The following KNTC1 variants were observed in gnomAD, a reference collection of about 807,000 sequenced individuals.
The protein encoded by KNTC1 is kinetochore-associated protein 1.
In KNTC1, 253 loss-of-function variants were observed where a neutral mutation model predicts 314.4. The ratio of observed to expected loss-of-function variants is 0.80; its 90% confidence interval spans 0.73 to 0.89. The LOEUF is 0.89. KNTC1 is among the 40% of genes least tolerant of loss of function. The pLI is 0.00. For synonymous variants in KNTC1, 901 were observed against 901.4 expected, an observed-to-expected ratio of 1.00 and a Z score of 0.01; for missense variants, 2,475 against 2,572.9, an observed-to-expected ratio of 0.96 and a Z score of 0.82.
At chr12:122,574,201 T>C in intron 26 of KNTC1, 81 bp from the exon 27 acceptor site, 2 of 727,838 alleles carry the variant, frequency 2.7e-6, no homozygotes, top group African/African-American at 1.8e-5. Flanking sequence ...GGCCATATAA[T>C]ATCTGTATCT....
chr12:122,571,495 A>C lies in KNTC1; in HGVS notation c.2019+369A>C, dbSNP rs146602621. ...CACCTCAGCCTCCTGAGTAGCTGGG[A>C]CTACAGGTGCGCATCACCAGGCCCG... On this transcript the variant is annotated intron_variant, in intron 24 of 63. Transcript: ENST00000333479. 6.4e-3 allele frequency among the ~76,000 whole-genome samples: 976 copies of C among 151,906 alleles called. 14 individuals are homozygous for C. The highest frequency in any genetic ancestry group is 0.032 in the Admixed American group (489 of 15,228).
intron 20 of KNTC1, among the ~76,000 whole-genome samples, chr12:122,565,220 G>T (rs1593554483): frequency 2.1e-5 from 3 of 144,312 alleles, no homozygotes; most frequent in African/African-American, 2.5e-5. Context: ...TACATCCTTG[G>T]TCCCTCTTTC....
At chr12:122,565,184 G>A (rs1241706346) in intron 20 of KNTC1, among the ~76,000 whole-genome samples, 2 of 150,948 alleles carry the variant, frequency 1.3e-5, no homozygotes, top group African/African-American at 4.9e-5. Context: ...ACTTTCTCAA[G>A]GTGAAAAGCC....
chr12:122,592,723 T>C (rs1870444495), intron 42 of KNTC1: 1 of 152,154 alleles, frequency 6.6e-6, no homozygotes, highest in Non-Finnish European at 1.5e-5. Context: ...CCAATCAGCG[T>C]CCTGTCAAAA....
chr12:122,541,088 T>A (rs1401365947), intron 5 of KNTC1, among the ~76,000 whole-genome samples: 1 of 152,062 alleles, frequency 6.6e-6, no homozygotes, highest in Non-Finnish European at 1.5e-5. Context: ...GGAGGATCTC[T>A]TGGGCCTGCA....
chr12:122,563,990 T>G (rs1964146635), intron 20 of KNTC1, among the ~76,000 whole-genome samples: 1 of 152,214 alleles, frequency 6.6e-6, no homozygotes, highest in Non-Finnish European at 1.5e-5. Context: ...TTTTTATATA[T>G]TTTTTGAAAC....
chr12:122,530,251 G>A, intron 2 of KNTC1, 59 bp downstream of exon 2: 1 of 1,448,482 alleles, frequency 6.9e-7, no homozygotes, highest in Non-Finnish European at 9.5e-7. Context: ...GCTTAGTAGG[G>A]CTAGTGGCCC....
intron 31 of KNTC1, among the ~76,000 whole-genome samples, chr12:122,578,579 C>G (rs1328623939): frequency 6.6e-6 from 1 of 152,118 alleles, no homozygotes; most frequent in East Asian, 1.9e-4. Flanking sequence ...CGCCACCACA[C>G]CTGGCTAATT....
chr12:122,618,594 T>C, intron 59 of KNTC1, 49 bp downstream of exon 59: 2 of 1,370,998 alleles, frequency 1.5e-6, no homozygotes, highest in South Asian at 1.2e-5. Flanking sequence ...TTGTTGCTTA[T>C]AAGATTCCCT....
At chr12:122,603,653 C>T (rs867050544) in intron 48 of KNTC1, among the ~76,000 whole-genome samples, 1 of 152,028 alleles carries the variant, frequency 6.6e-6, no homozygotes, top group Non-Finnish European at 1.5e-5. Flanking sequence ...CCATCATGCC[C>T]GGCTAATTTT....
intron 44 of KNTC1, 78 bp downstream of exon 44, chr12:122,598,016 T>C: frequency 9.5e-7 from 1 of 1,050,822 alleles, no homozygotes. Flanking sequence ...TAGTAACAAA[T>C]TGGATGTATA....
At chr12:122,616,387 T>G (rs777295052) in intron 57 of KNTC1, among the ~76,000 whole-genome samples, 1 of 151,952 alleles carries the variant, frequency 6.6e-6, no homozygotes, top group African/African-American at 2.4e-5. Flanking sequence ...CTCAGCCTCC[T>G]GAGTAGCTGG....
chr12:122,597,902 A>G lies in KNTC1; in HGVS notation c.4527A>G (p.Lys1509=). ...LEMVPLLTST[K]DLVISLSGIL... is the part of the protein sequence containing the mutation. ...TGGTTCCTTTACTGACGAGCACAAA[A>G]GATTTGGTCATCAGTCTTAGTGGAA... is the stretch of plus-strand genomic sequence containing the variant. The change falls in exon 44 of 64, where the codon AAA becomes AAG. Residue 1509 remains lysine (K), a synonymous_variant. Coordinates refer to ENST00000333479, the MANE Select transcript of KNTC1 (RefSeq NM_014708.6). The G allele has an allele frequency of 1.9e-6, 3 of 1,614,044 alleles. No individual in the cohort carries two copies. The East Asian group carries it at 6.7e-5, about 36-fold the overall frequency.
intron 31 of KNTC1, among the ~76,000 whole-genome samples, chr12:122,578,134 A>G (rs1001226148): frequency 8.5e-5 from 13 of 152,244 alleles, no homozygotes; most frequent in East Asian, 3.8e-4. Flanking sequence ...GTCAGCTACA[A>G]AACCAATATA....
At chr12:122,569,939 T>G in intron 22 of KNTC1, 115 bp downstream of exon 22, 3 of 850,666 alleles carry the variant, frequency 3.5e-6, no homozygotes, top group Non-Finnish European at 5.4e-6. Context: ...AGCTAACACC[T>G]GTGTTAATTA....
rs754707346 is a variant in KNTC1, at chr12:122,557,633, G to A, written c.1432G>A (p.Ala478Thr). The A allele has an allele frequency of 1.2e-6, 2 of 1,613,462 alleles. No homozygotes were observed. Among genetic ancestry groups the A allele is most frequent in the Non-Finnish European group, 1.7e-6 (2 of 1,179,646 alleles). The change falls in exon 18 of 64, where the codon GCT becomes ACT. Residue 478 changes from alanine to threonine, a missense_variant. Physicochemically the swap from Ala to Thr is moderately conservative, Grantham distance 58. Coordinates refer to ENST00000333479, the MANE Select transcript of KNTC1 (RefSeq NM_014708.6). The stretch of plus-strand genomic sequence containing the variant: ...ATTTGTGGTGAATTACTGCCTGAAA[G>A]CTCAGTGGATAACCTATGAAACCAC... ...DEFVVNYCLK[A>T]QWITYETTQE...
intron 3 of KNTC1, among the ~76,000 whole-genome samples, chr12:122,535,115 T>G (rs1961680816): frequency 6.6e-6 from 1 of 152,228 alleles, no homozygotes; most frequent in Non-Finnish European, 1.5e-5. Flanking sequence ...TCGGTATCAT[T>G]AATGGGTATT....
intron 53 of KNTC1, among the ~76,000 whole-genome samples, chr12:122,612,518 A>G (rs1296649339): frequency 2.0e-5 from 3 of 151,064 alleles, no homozygotes; most frequent in Non-Finnish European, 4.4e-5. Context: ...CTCCGGGTTC[A>G]AATGATTCTC....
intron 60 of KNTC1, 27 bp downstream of exon 60, chr12:122,620,635 T>C: frequency 6.2e-7 from 1 of 1,606,534 alleles, no homozygotes; most frequent in Non-Finnish European, 8.5e-7. Flanking sequence ...TCCTCTGGGC[T>C]GCCAAGGAAA....
Sources: gnomAD v4.1 joint callset for allele counts (sites outside exome capture counted in the v4.1 genomes callset) on GRCh38, gnomAD v4.1.1 for gene constraint, MANE v1.5 for transcripts, NCBI Gene and HGNC (gene_info 2026-07-23, HGNC 2026-07-21) for gene names.